THADA: variants seen among roughly 807,000 people sequenced by gnomAD.
THADA encodes the protein tRNA (32-2'-O)-methyltransferase regulator THADA.
Under a neutral mutation model 219.8 loss-of-function variants are expected in THADA, and 213 were observed. The observed-to-expected ratio is 0.97, with a 90% CI of 0.87 to 1.09. The LOEUF (loss-of-function observed/expected upper bound fraction) is 1.09. THADA is among the 50% of genes least tolerant of loss of function. The pLI, the probability that THADA is intolerant of heterozygous loss-of-function variation, is 0.00. For missense variants in THADA, 2,956 were observed against 2,311.3 expected (o/e 1.28, Z -5.72); for synonymous variants, 1,018 against 828.9 (o/e 1.23, Z -3.92).
chr2:43,481,168 T>G (rs576790167), intron 26 of THADA, among the ~76,000 whole-genome samples: 2 of 152,122 alleles, frequency 1.3e-5, no homozygotes, highest in African/African-American at 4.8e-5. Context: ...CTGGATTAGA[T>G]GCCCCTTGAA....
At chr2:43,340,049 C>G (rs1666906521) in intron 30 of THADA, among the ~76,000 whole-genome samples, 1 of 152,220 alleles carries the variant, frequency 6.6e-6, no homozygotes, top group Non-Finnish European at 1.5e-5. Context: ...TCCAGGACAG[C>G]AGCAGATCCC....
chr2:43,341,452 T>C (rs1357391613), intron 30 of THADA, among the ~76,000 whole-genome samples: 1 of 152,144 alleles, frequency 6.6e-6, no homozygotes, highest in Non-Finnish European at 1.5e-5. Context: ...CCCTTCCTCT[T>C]AGCTGCAGAG....
chr2:43,576,690 T>A (rs892658458), intron 10 of THADA, among the ~76,000 whole-genome samples: 2 of 152,246 alleles, frequency 1.3e-5, no homozygotes, highest in African/African-American at 4.8e-5. Context: ...GATCTCACTC[T>A]GTCGCCCAGG....
intron 19 of THADA, among the ~76,000 whole-genome samples, chr2:43,550,669 T>C (rs1696642824): frequency 6.6e-6 from 1 of 152,186 alleles, no homozygotes; most frequent in African/African-American, 2.4e-5. Flanking sequence ...CTAATAAAGA[T>C]AATGTTAGCA....
intron 10 of THADA, 119 bp downstream of exon 10, chr2:43,576,903 C>T (rs1699912987): frequency 3.6e-6 from 3 of 842,212 alleles, no homozygotes; most frequent in Non-Finnish European, 5.7e-6. Flanking sequence ...GATCCTCTTG[C>T]CTCAGCCTAC....
At chr2:43,300,152 T>C (rs2104402983) in intron 31 of THADA, among the ~76,000 whole-genome samples, 1 of 152,210 alleles carries the variant, frequency 6.6e-6, no homozygotes, top group African/African-American at 2.4e-5. Flanking sequence ...CTTTTATTTA[T>C]TTTTTTGAGA....
At chr2:43,476,605 C>T (rs545006682) in intron 26 of THADA, among the ~76,000 whole-genome samples, 2 of 152,248 alleles carry the variant, frequency 1.3e-5, no homozygotes, top group South Asian at 4.1e-4. Context: ...ACAGACGGTG[C>T]TATTACTGTG....
intron 29 of THADA, among the ~76,000 whole-genome samples, chr2:43,355,354 G>A (rs1158065634): frequency 6.6e-6 from 1 of 152,158 alleles, no homozygotes; most frequent in Non-Finnish European, 1.5e-5. Context: ...CCCACCAACA[G>A]TGTACAAAGG....
intron 29 of THADA, among the ~76,000 whole-genome samples, chr2:43,380,345 C>T (rs927173687): frequency 1.3e-5 from 2 of 152,082 alleles, no homozygotes; most frequent in African/African-American, 2.4e-5. Context: ...TTTTCTCCCA[C>T]TAGTATGGGT....
chr2:43,353,355 A>T (rs1385768210), intron 29 of THADA, among the ~76,000 whole-genome samples: 1 of 152,140 alleles, frequency 6.6e-6, no homozygotes, highest in Non-Finnish European at 1.5e-5. Context: ...TTGTTTTTTG[A>T]TAACAGCTAT....
intron 31 of THADA, among the ~76,000 whole-genome samples, chr2:43,315,491 CTTG>C (rs1677974264): frequency 1.3e-5 from 2 of 151,450 alleles, no homozygotes; most frequent in Non-Finnish European, 2.9e-5. Context: ...GAGACAGGAT[CTTG>C]CTCTGTCACC....
chr2:43,377,566 A>G (rs901556269), intron 29 of THADA, among the ~76,000 whole-genome samples: 6 of 152,082 alleles, frequency 3.9e-5, no homozygotes, highest in African/African-American at 1.4e-4. Flanking sequence ...GCGATGAAAA[A>G]CTGTTCTACT....
intron 21 of THADA, among the ~76,000 whole-genome samples, chr2:43,531,592 C>T (rs896913212): frequency 1.3e-5 from 2 of 152,190 alleles, no homozygotes; most frequent in African/African-American, 4.8e-5. Context: ...AATCAGACTA[C>T]ATGAAACAGA....
At chr2:43,498,210 G>A (rs1204341721) in intron 25 of THADA, among the ~76,000 whole-genome samples, 1 of 152,068 alleles carries the variant, frequency 6.6e-6, no homozygotes, top group African/African-American at 2.4e-5. Context: ...GGAGAATAGA[G>A]GTTACTAGGG....
At chr2:43,396,179 C>G (rs973829658) in intron 29 of THADA, among the ~76,000 whole-genome samples, 19 of 152,146 alleles carry the variant, frequency 1.2e-4, no homozygotes, top group African/African-American at 4.3e-4. Context: ...AACTTCAGTC[C>G]CACCCAAACC....
chr2:43,504,090 C>G (rs542972185), intron 24 of THADA, among the ~76,000 whole-genome samples: 1 of 152,058 alleles, frequency 6.6e-6, no homozygotes, highest in Non-Finnish European at 1.5e-5. Flanking sequence ...AAACTGAACT[C>G]TGAAACACTT....
chr2:43,525,808 T>C (rs976663736), intron 22 of THADA, among the ~76,000 whole-genome samples: 3 of 152,206 alleles, frequency 2.0e-5, no homozygotes, highest in African/African-American at 7.2e-5. Context: ...GAGGAGTTGT[T>C]ACTATCTATG....
intron 25 of THADA, among the ~76,000 whole-genome samples, chr2:43,494,263 C>T (rs1459905343): frequency 1.3e-5 from 2 of 152,206 alleles, no homozygotes; most frequent in Non-Finnish European, 2.9e-5. Context: ...TACAAGACAA[C>T]CAGCTCAGAT....
intron 29 of THADA, among the ~76,000 whole-genome samples, chr2:43,376,708 C>T (rs779050997): frequency 1.3e-5 from 2 of 152,164 alleles, no homozygotes; most frequent in African/African-American, 2.4e-5. Context: ...AGATACATTA[C>T]AACACACTTA....
Sources: allele counts gnomAD v4.1 joint callset (sites outside exome capture counted in the v4.1 genomes callset), GRCh38; gene constraint gnomAD v4.1.1; transcripts MANE v1.5; gene names NCBI Gene and HGNC (gene_info 2026-07-23, HGNC 2026-07-21).